Variants in ZBTB8A observed in about 807,000 individuals in gnomAD.
The protein encoded by ZBTB8A is zinc finger and BTB domain containing 8A.
Under a neutral mutation model 37.8 loss-of-function variants are expected in ZBTB8A, and 19 were observed. The ratio of observed to expected loss-of-function variants is 0.50; its 90% confidence interval spans 0.35 to 0.74. The LOEUF is 0.74. Among genes scored for constraint, ZBTB8A ranks in the 30% least tolerant of loss-of-function variants. The pLI is 0.01. For missense variants in ZBTB8A, 394 were observed against 537.8 expected (o/e 0.73, Z 2.65); for synonymous variants, 181 against 185.2 (o/e 0.98, Z 0.19).
chr1:32,573,227 C>T (rs574458990), intron 2 of ZBTB8A, among the ~76,000 whole-genome samples: 1 of 150,136 alleles, frequency 6.7e-6, no homozygotes, highest in Admixed American at 6.7e-5. Flanking sequence ...CGTGCCACCA[C>T]ACCCGGCTAA....
At chr1:32,542,346 G>C (rs531428130) in intron 1 of ZBTB8A, among the ~76,000 whole-genome samples, 1 of 149,920 alleles carries the variant, frequency 6.7e-6, no homozygotes, top group African/African-American at 2.4e-5. Context: ...GGGGGGGCGG[G>C]GTGTGGATCA....
intron 2 of ZBTB8A, among the ~76,000 whole-genome samples, chr1:32,558,597 T>C (rs186353194): frequency 6.6e-6 from 1 of 152,218 alleles, no homozygotes; most frequent in East Asian, 1.9e-4. Context: ...TATTCGTTTG[T>C]TAGTCTCCAA....
At position 32,540,000 on chromosome 1, in the gene ZBTB8A, C is replaced by A. The variant is rs567177969; in HGVS notation, c.-84+428C>A. ...GGCAGGGCAGGGCCGGGGCCGGAGT[C>A]TCTGCGGGCGCGGCCAGGGGCGCTG... is the stretch of plus-strand genomic sequence containing the variant. On this transcript the variant is annotated intron_variant, in intron 1 of 4. Coordinates refer to ENST00000373510, the MANE Select transcript of ZBTB8A (RefSeq NM_001040441.3). Among the ~76,000 whole-genome samples the A allele has an allele frequency of 1.4e-3, 207 of 151,610 alleles. 1 individual carries two copies. Among genetic ancestry groups the A allele is most frequent in the African/African-American group, 4.7e-3 (193 of 41,388 alleles).
chr1:32,588,167 C>A (rs1319351363), intron 2 of ZBTB8A, among the ~76,000 whole-genome samples: 1 of 152,016 alleles, frequency 6.6e-6, no homozygotes, highest in African/African-American at 2.4e-5. Flanking sequence ...GCAAATTAAT[C>A]AAACTTAAGG....
intron 1 of ZBTB8A, 140 bp from the exon 2 acceptor site, chr1:32,553,319 C>G (rs182315608): frequency 2.6e-5 from 4 of 152,326 alleles, no homozygotes; most frequent in Non-Finnish European, 5.9e-5. Context: ...GTTGGCCTCC[C>G]AGAGTGTTGG....
intron 2 of ZBTB8A, among the ~76,000 whole-genome samples, chr1:32,587,427 C>G (rs1644457887): frequency 6.6e-6 from 1 of 151,680 alleles, no homozygotes; most frequent in South Asian, 2.1e-4. Flanking sequence ...ATGGATAAGA[C>G]TGTAGGAAAG....
At position 32,593,060 on chromosome 1, in the gene ZBTB8A, C is replaced by T. The variant is rs1253841067; in HGVS notation, c.129C>T (p.Phe43=). 9 of 1,614,030 alleles carry T rather than the reference C, an allele frequency of 5.6e-6. No homozygotes were observed. The highest frequency in any genetic ancestry group is 1.7e-5 in the Admixed American group (1 of 59,982). ...KVFKAHRNVL[F]ASSGYFKMLL... ...TCAAAGCACATCGAAATGTATTATT[C>T]GCTAGTAGCGGCTACTTTAAAATGC... is the stretch of plus-strand genomic sequence containing the variant. The change falls in exon 3 of 5, where the codon TTC becomes TTT. Residue 43 remains phenylalanine, a synonymous_variant. Transcript: ENST00000373510.
chr1:32,564,122 G>A (rs530354234), intron 2 of ZBTB8A, among the ~76,000 whole-genome samples: 4 of 152,160 alleles, frequency 2.6e-5, no homozygotes, highest in African/African-American at 4.8e-5. Context: ...AGAAGTGACA[G>A]CACTCAGAAA....
intron 2 of ZBTB8A, among the ~76,000 whole-genome samples, chr1:32,559,892 C>T (rs1644230775): frequency 6.6e-6 from 1 of 152,112 alleles, no homozygotes; most frequent in Non-Finnish European, 1.5e-5. Context: ...GCTCAGCCCC[C>T]TTGCCACCTG....
At chr1:32,577,454 G>A (rs1644371230) in intron 2 of ZBTB8A, among the ~76,000 whole-genome samples, 1 of 150,236 alleles carries the variant, frequency 6.7e-6, no homozygotes, top group African/African-American at 2.4e-5. Flanking sequence ...CCTGCCGTCA[G>A]TCTTTTTTTT....
intron 4 of ZBTB8A, 135 bp from the exon 5 acceptor site, chr1:32,599,952 T>C: frequency 1.5e-6 from 1 of 665,114 alleles, no homozygotes; most frequent in East Asian, 2.8e-5. Flanking sequence ...CCCTTGATCT[T>C]TCTCTAAATA....
Position 32,600,262 on chromosome 1 carries a change from C to T in ZBTB8A, c.1169C>T (p.Pro390Leu). ...DLEAEQHLMSPSDGDKDSRWH... is the reference protein window; with the variant it reads ...DLEAEQHLMSLSDGDKDSRWH... ...GAAGCTGAACAACATCTTATGTCCCCATCAGATGGAGATAAGGATTCCAGA... is the reference window on the plus strand; with the variant it reads ...GAAGCTGAACAACATCTTATGTCCCTATCAGATGGAGATAAGGATTCCAGA... Residue 390 changes from proline (P) to leucine (L), a missense_variant, in exon 5 of 5, where the codon CCA (proline) becomes CTA (leucine). Physicochemically the swap from Pro to Leu is moderately conservative, Grantham distance 98. Around this residue, in one of 4 missense-constraint regions of ZBTB8A, gnomAD observed 85 missense variants for 89.0 expected, o/e 0.95. Coordinates refer to ENST00000373510, the MANE Select transcript of ZBTB8A (RefSeq NM_001040441.3). 6.2e-7 allele frequency: 1 copy of T among 1,614,134 alleles called. No individual in the cohort carries two copies. Among genetic ancestry groups the T allele is most frequent in the Non-Finnish European group, 8.5e-7 (1 of 1,180,016 alleles).
At chr1:32,599,954 C>T (rs908067096) in intron 4 of ZBTB8A, 133 bp from the exon 5 acceptor site, 3 of 668,028 alleles carry the variant, frequency 4.5e-6, no homozygotes, top group South Asian at 2.3e-5. Flanking sequence ...CTTGATCTTT[C>T]TCTAAATAAT....
chr1:32,584,707 A>G (rs1644433343), intron 2 of ZBTB8A, among the ~76,000 whole-genome samples: 1 of 151,216 alleles, frequency 6.6e-6, no homozygotes, highest in South Asian at 2.1e-4. Flanking sequence ...GTTTGTAGAG[A>G]CAGGATCTCA....
At chr1:32,552,970 CTATTAACTAT>C (rs1361001047) in intron 1 of ZBTB8A, among the ~76,000 whole-genome samples, 3 of 148,956 alleles carry the variant, frequency 2.0e-5, no homozygotes, top group Non-Finnish European at 3.0e-5. Context: ...TAATGATTTT[CTATTAACTAT>C]TATTAACTAT....
At chr1:32,573,078 T>C (rs1644333832) in intron 2 of ZBTB8A, among the ~76,000 whole-genome samples, 1 of 147,842 alleles carries the variant, frequency 6.8e-6, no homozygotes. Flanking sequence ...TTCTTTTTTT[T>C]TTTTTTTTTT....
In ZBTB8A at chr1:32,592,800, G is replaced by T. The variant is rs908091773; in HGVS notation, c.-1-131G>T. On this transcript the variant is annotated intron_variant, in intron 2 of 4. Transcript: ENST00000373510. ...TGGGATTACAGGAGTGAGCCACTGT[G>T]CCCAGCCACAGTGAGCTTTGATCAC... 9 of 733,364 alleles carry T rather than the reference G, an allele frequency of 1.2e-5. No individual in the cohort carries two copies. In the Admixed American group the frequency reaches 2.7e-4, roughly 22 times the overall value. The allele number at this position is 733,364 out of a possible 1,614,324, so 45.4% of individuals were successfully genotyped here.
At chr1:32,576,680 C>T (rs538009016) in intron 2 of ZBTB8A, among the ~76,000 whole-genome samples, 13 of 151,540 alleles carry the variant, frequency 8.6e-5, no homozygotes, top group Admixed American at 3.3e-4. Context: ...CTGCCTGCCT[C>T]GGCCTCCCAA....
chr1:32,561,910 AAG>A (rs899039767), intron 2 of ZBTB8A, among the ~76,000 whole-genome samples: 5 of 152,112 alleles, frequency 3.3e-5, no homozygotes, highest in African/African-American at 9.7e-5. Flanking sequence ...GAGCAGGAGC[AAG>A]AGAGAGAGTG....
Sources: gnomAD v4.1 joint callset for allele counts (sites outside exome capture counted in the v4.1 genomes callset) on GRCh38, gnomAD v4.1.1 for gene constraint, gnomAD v4.1.1 regional missense constraint, MANE v1.5 for transcripts, NCBI Gene and HGNC (gene_info 2026-07-23, HGNC 2026-07-21) for gene names.